USH2A: variants seen among roughly 807,000 people sequenced by gnomAD.
The protein encoded by USH2A is usherin, also known as Usher syndrome 2A (autosomal recessive, mild).
Under a neutral mutation model 538.9 loss-of-function variants are expected in USH2A, and 443 were observed. That is an observed-to-expected ratio of 0.82 (90% CI 0.76 to 0.89). USH2A has a LOEUF of 0.89. Ranked by LOEUF, USH2A falls within the 40% of genes least tolerant of loss-of-function variation. The pLI is 0.00. For missense variants in USH2A, 6,633 were observed against 6,324.8 expected, an observed-to-expected ratio of 1.05 and a Z score of -1.65; for synonymous variants, 2,413 against 2,273.5, an observed-to-expected ratio of 1.06 and a Z score of -1.75.
chr1:215,986,289 T>A (rs1049181703), intron 35 of USH2A, among the ~76,000 whole-genome samples: 14 of 143,828 alleles, frequency 9.7e-5, no homozygotes, highest in Non-Finnish European at 1.5e-4. Context: ...CTGGCTAATT[T>A]TTTTTTTCTT....
chr1:216,040,983 A>G (rs1315637054), intron 32 of USH2A, among the ~76,000 whole-genome samples: 2 of 152,062 alleles, frequency 1.3e-5, no homozygotes, highest in Non-Finnish European at 2.9e-5. Context: ...AATGCATACT[A>G]GTTTAAGCTG....
intron 11 of USH2A, among the ~76,000 whole-genome samples, chr1:216,275,190 T>C (rs1378145549): frequency 6.6e-6 from 1 of 152,030 alleles, no homozygotes. Flanking sequence ...TCAGAGGATA[T>C]AAGCTATAAT....
rs1362170918 is a variant in USH2A at position 215,625,085 on chromosome 1, C to A, written c.*696G>T. ...TCAAAATGTATAAATAAGCTGTTTA[C>A]TCCTTAGATTTTTGGAAAATTCATA... On this transcript the variant is annotated 3_prime_UTR_variant, in exon 72 of 72. Coordinates refer to ENST00000307340, the MANE Select transcript of USH2A (RefSeq NM_206933.4). 1 of 152,270 alleles carries A rather than the reference C, an allele frequency of 6.6e-6. No homozygotes were observed. The highest frequency in any genetic ancestry group is 1.5e-5 in the Non-Finnish European group (1 of 68,112). The allele number at this position is 152,270 out of a possible 1,614,324, so 9.4% of individuals were successfully genotyped here. A position where few individuals can be genotyped will look rare whatever the true frequency, so the allele number is the denominator to read the frequency against.
chr1:216,377,863 GA>G lies in USH2A; in HGVS notation c.652-12779del, dbSNP rs1558061866. Among the ~76,000 whole-genome samples, 242 of 135,724 alleles carry G rather than the reference GA, an allele frequency of 1.8e-3. 3 individuals are homozygous for G. Among genetic ancestry groups the G allele is most frequent in the Admixed American group, 7.7e-3 (102 of 13,218 alleles). The allele number at this position is 135,724 out of a possible 152,430, so 89.0% of individuals were successfully genotyped here. On this transcript the variant is annotated intron_variant, in intron 3 of 71. Transcript: ENST00000307340. Reference sequence around the variant, plus strand: ...AGAAAGAAAGAAAGAAAGAAAGAAAGAAAGAAGGAAAGAAAGAAAGGAAGGA... The same window carrying G: ...AGAAAGAAAGAAAGAAAGAAAGAAAGAAGAAGGAAAGAAAGAAAGGAAGGA...
rs1369414978 is a variant in USH2A at position 215,877,758 on chromosome 1, C to T, written c.8681G>A (p.Arg2894Lys). The T allele has an allele frequency of 1.2e-6, 2 of 1,613,492 alleles. No individual in the cohort carries two copies. The highest frequency in any genetic ancestry group is 1.7e-6 in the Non-Finnish European group (2 of 1,179,626). Residue 2894 changes from arginine to lysine, a missense_variant and splice_region_variant, in exon 43 of 72, where the codon AGG becomes AAG. Transcript: ENST00000307340. ...QWLYEDKGLSRFTTYEYMLFV... is the reference protein window; with the variant it reads ...QWLYEDKGLSKFTTYEYMLFV... ...GTTTTTATAGTTTTTGTAATCTCAC[C>T]TGCTAAGACCCTTATCTTCATAAAG...
intron 55 of USH2A, among the ~76,000 whole-genome samples, chr1:215,772,889 G>A (rs140268640): frequency 6.2e-4 from 95 of 152,280 alleles, no homozygotes; most frequent in African/African-American, 2.0e-3. Flanking sequence ...CCTGAGTTAC[G>A]TTAAAAAGTT....
intron 41 of USH2A, among the ~76,000 whole-genome samples, chr1:215,879,607 T>C (rs1262551689): frequency 6.6e-6 from 1 of 152,222 alleles, no homozygotes; most frequent in East Asian, 1.9e-4. Flanking sequence ...ATTGAGTTCC[T>C]GAATCTTATT....
chr1:215,950,955 T>C (rs1666897623), intron 37 of USH2A, among the ~76,000 whole-genome samples: 2 of 152,220 alleles, frequency 1.3e-5, no homozygotes, highest in African/African-American at 4.8e-5. Flanking sequence ...TCTTCTTTAT[T>C]AGTCTTGCTA....
chr1:215,863,219 G>GA (rs1003069965), intron 44 of USH2A, among the ~76,000 whole-genome samples: 2 of 152,232 alleles, frequency 1.3e-5, no homozygotes, highest in African/African-American at 4.8e-5. Flanking sequence ...ATGACTTTAA[G>GA]AAAACCATGT....
rs144677514 is a variant in USH2A, at chr1:215,715,049, C to T, written c.12066+12981G>A. On this transcript the variant is annotated intron_variant, in intron 61 of 71. Coordinates refer to ENST00000307340, the MANE Select transcript of USH2A (RefSeq NM_206933.4). ...TGTGCAGGTTTGTTACATAGGTAAACGTGTGCCATGGTGGTTTGCTGCACC... is the reference window on the plus strand; with the variant it reads ...TGTGCAGGTTTGTTACATAGGTAAATGTGTGCCATGGTGGTTTGCTGCACC... Among the ~76,000 whole-genome samples the T allele has an allele frequency of 6.1e-3, 922 of 152,206 alleles. 12 individuals are homozygous for T. The highest frequency in any genetic ancestry group is 0.02 in the African/African-American group (847 of 41,522).
chr1:216,336,979 A>T (rs1025305234), intron 4 of USH2A, among the ~76,000 whole-genome samples: 1 of 151,458 alleles, frequency 6.6e-6, no homozygotes, highest in African/African-American at 2.4e-5. Flanking sequence ...TTTCCTTAGG[A>T]ACAAGGTAGA....
In USH2A at chr1:215,965,351, TGAGTGTGTTAA is replaced by T; in HGVS notation, c.7075_7085del (p.Leu2359SerfsTer14). 1.2e-6 allele frequency: 2 copies of T among 1,613,834 alleles called. No homozygotes were observed. Among genetic ancestry groups the T allele is most frequent in the Non-Finnish European group, 1.7e-6 (2 of 1,179,808 alleles). ...CATAGAATATCCCAGTGAAAAGGAC[TGAGTGTGTTAA>T]GAGTCCATTAGGGCGAAAAGGTGCT... is the stretch of plus-strand genomic sequence containing the variant. On this transcript the variant is annotated frameshift_variant, in exon 37 of 72. Coordinates refer to ENST00000307340, the MANE Select transcript of USH2A (RefSeq NM_206933.4). LOFTEE classifies it high-confidence loss of function.
chr1:216,417,286 G>A (rs1249264721), intron 3 of USH2A, among the ~76,000 whole-genome samples: 14 of 150,384 alleles, frequency 9.3e-5, no homozygotes, highest in Non-Finnish European at 1.5e-4. Context: ...AAAAAAGTGA[G>A]AAATCAAAGA....
chr1:215,773,478 C>A (rs1661350496), intron 55 of USH2A, among the ~76,000 whole-genome samples: 2 of 121,100 alleles, frequency 1.7e-5, no homozygotes, highest in Admixed American at 7.8e-5. Context: ...TTACGGATGT[C>A]TCTCTGTCTC....
intron 40 of USH2A, among the ~76,000 whole-genome samples, chr1:215,899,368 T>A (rs1665432976): frequency 6.6e-6 from 1 of 152,214 alleles, no homozygotes; most frequent in Non-Finnish European, 1.5e-5. Flanking sequence ...TCACTCTGTG[T>A]AGCTTGATTT....
intron 41 of USH2A, among the ~76,000 whole-genome samples, chr1:215,886,860 AT>A (rs898439445): frequency 7.3e-4 from 109 of 150,220 alleles, no homozygotes; most frequent in East Asian, 3.9e-4. Flanking sequence ...GAAAATACTT[AT>A]TTTTTTTTTC....
intron 21 of USH2A, among the ~76,000 whole-genome samples, chr1:216,166,628 T>C (rs759635613): frequency 1.2e-4 from 18 of 151,954 alleles, no homozygotes; most frequent in Non-Finnish European, 1.9e-4. Flanking sequence ...GGAGGAATCA[T>C]TAATAGAATG....
chr1:216,079,196 C>T (rs1422347548), intron 26 of USH2A: 1 of 152,084 alleles, frequency 6.6e-6, no homozygotes, highest in East Asian at 1.9e-4. Flanking sequence ...TCAGGAAGGA[C>T]CTCAGGTAAG....
At chr1:215,908,402 A>T in intron 38 of USH2A, among the ~76,000 whole-genome samples, 1 of 151,976 alleles carries the variant, frequency 6.6e-6, no homozygotes, top group Admixed American at 6.6e-5. Flanking sequence ...TTATTAAACA[A>T]ATGATAAAAT....
Sources: allele counts gnomAD v4.1 joint callset (sites outside exome capture counted in the v4.1 genomes callset), GRCh38; gene constraint gnomAD v4.1.1; transcripts MANE v1.5; gene names NCBI Gene and HGNC (gene_info 2026-07-23, HGNC 2026-07-21).